The following ARAP1 variants were observed in gnomAD, a reference collection of about 807,000 sequenced individuals.
ARAP1 encodes the protein arf-GAP with Rho-GAP domain, ANK repeat and PH domain-containing protein 1.
Under a neutral mutation model 172.2 loss-of-function variants are expected in ARAP1, and 76 were observed. That is an observed-to-expected ratio of 0.44 (90% CI 0.37 to 0.53). The LOEUF is 0.53. Among genes scored for constraint, ARAP1 ranks in the 20% least tolerant of loss-of-function variants. The pLI is 0.00. For missense variants in ARAP1, 1,686 were observed against 1,977.5 expected (o/e 0.85, Z 2.80); for synonymous variants, 804 against 803.3 (o/e 1.00, Z -0.01).
chr11:72,731,077 T>C (rs1303911761), intron 2 of ARAP1, among the ~76,000 whole-genome samples: 4 of 152,280 alleles, frequency 2.6e-5, no homozygotes, highest in Admixed American at 2.6e-4. Flanking sequence ...ATGAACAAAG[T>C]ATCTCTGAAA....
intron 1 of ARAP1, among the ~76,000 whole-genome samples, chr11:72,747,368 G>A (rs1356828814): frequency 6.6e-6 from 1 of 152,158 alleles, no homozygotes; most frequent in Non-Finnish European, 1.5e-5. Flanking sequence ...CCCTGTCTCT[G>A]GGCTCTAGAA....
At chr11:72,708,003 A>C (rs549151592) in intron 11 of ARAP1, among the ~76,000 whole-genome samples, 69 of 152,204 alleles carry the variant, frequency 4.5e-4, no homozygotes, top group Middle Eastern at 3.4e-3. Flanking sequence ...CAACATACCG[A>C]GACACCTGTG....
rs1591231892 is a variant in ARAP1, at chr11:72,726,869, T to G, written c.260A>C (p.His87Pro). The G allele has an allele frequency of 1.3e-6, 2 of 1,543,702 alleles. No individual in the cohort carries two copies. The highest frequency in any genetic ancestry group is 1.7e-6 in the Non-Finnish European group (2 of 1,147,386). The change falls in exon 3 of 35, where the codon CAC (histidine) becomes CCC (proline). Residue 87 changes from histidine to proline, a missense_variant. By Grantham distance (77) the His-to-Pro change is moderately conservative. This residue lies in a region of ARAP1 where 190 missense variants were observed against 228.6 expected (regional missense o/e 0.83). Coordinates refer to ENST00000393609, the MANE Select transcript of ARAP1 (RefSeq NM_001040118.3). The surrounding 1 kb of genome is among the most constrained non-coding windows in gnomAD (Gnocchi z 6.5). ...PTPRPVPMKRHIFRSPPVPAT... is the reference protein window; with the variant it reads ...PTPRPVPMKRPIFRSPPVPAT... ...AGGCACAGGTGGTGAGCGGAAGATG[T>G]GGCGCTTCATGGGCACAGGCCGTGG...
At chr11:72,707,560 T>A (rs1292099707) in intron 11 of ARAP1, among the ~76,000 whole-genome samples, 186 bp from the exon 12 acceptor site, 1 of 151,956 alleles carries the variant, frequency 6.6e-6, no homozygotes, top group East Asian at 1.9e-4. Context: ...CACAAGAGCG[T>A]ATGGGGGCAG....
At position 72,710,916 on chromosome 11, in the gene ARAP1, T is replaced by C. The variant is rs1228337986; in HGVS notation, c.1213+105A>G. ...AGGCAGCATGCCTCCCCGGATGTGATGTGAGAGGGCAGATGCACCATGACT... is the reference window on the plus strand; with the variant it reads ...AGGCAGCATGCCTCCCCGGATGTGACGTGAGAGGGCAGATGCACCATGACT... On this transcript the variant is annotated intron_variant, in intron 9 of 34. Transcript: ENST00000393609. This position sits in a 1 kb window ranked among gnomAD's most constrained non-coding sequence, Gnocchi z 4.3. 17 of 1,568,428 alleles carry C rather than the reference T, an allele frequency of 1.1e-5. No homozygotes were observed. Among genetic ancestry groups the C allele is most frequent in the Non-Finnish European group, 1.5e-5 (17 of 1,152,722 alleles).
rs762394815 is a variant in ARAP1 at position 72,695,683 on chromosome 11, C to T, written c.3420+35G>A. ...GGTCACCGTCATCTGCAAGGATCACCCCTGCCCTCCACTGCCCACTGGCCA... is the reference window on the plus strand; with the variant it reads ...GGTCACCGTCATCTGCAAGGATCACTCCTGCCCTCCACTGCCCACTGGCCA... On this transcript the variant is annotated intron_variant, in intron 24 of 34. Coordinates refer to ENST00000393609, the MANE Select transcript of ARAP1 (RefSeq NM_001040118.3). This position sits in a 1 kb window ranked among gnomAD's most constrained non-coding sequence, Gnocchi z 4.4. 1 of 1,614,110 alleles carries T rather than the reference C, an allele frequency of 6.2e-7. No homozygotes were observed. The highest frequency in any genetic ancestry group is 8.5e-7 in the Non-Finnish European group (1 of 1,179,988).
intron 12 of ARAP1, 77 bp downstream of exon 12, chr11:72,707,098 C>T: frequency 7.1e-7 from 1 of 1,418,132 alleles, no homozygotes; most frequent in South Asian, 1.5e-5. Flanking sequence ...AGGCCCTCCT[C>T]CAGATAGGAT....
rs1270066093 is a variant in ARAP1, at chr11:72,707,367, C to G, written c.1531G>C (p.Ala511Pro). The change falls in exon 12 of 35, where the codon GCT (alanine) becomes CCT (proline). Residue 511 changes from alanine to proline, a missense_variant. By Grantham distance (27) the Ala-to-Pro change is conservative (BLOSUM62 -1). This residue lies in a region of ARAP1 where 688 missense variants were observed against 856.9 expected (regional missense o/e 0.80). Transcript: ENST00000393609. ...TTPYRIFSFSADSELEKEQWL... is the reference protein window; with the variant it reads ...TTPYRIFSFSPDSELEKEQWL... Reference sequence around the variant, plus strand: ...TGCTCCTTCTCTAGCTCTGAGTCAGCAGAGAAGCTGGGGACATAGGGGTGG... The same window carrying G: ...TGCTCCTTCTCTAGCTCTGAGTCAGGAGAGAAGCTGGGGACATAGGGGTGG... The G allele has an allele frequency of 6.8e-6, 11 of 1,611,242 alleles. No homozygotes were observed. Among genetic ancestry groups the G allele is most frequent in the Non-Finnish European group, 9.3e-6 (11 of 1,178,556 alleles).
intron 19 of ARAP1, 88 bp from the exon 20 acceptor site, chr11:72,697,737 G>A (rs996584988): frequency 5.1e-6 from 8 of 1,573,000 alleles, no homozygotes; most frequent in African/African-American, 1.3e-5. Flanking sequence ...ACACACCCTT[G>A]AGACCCGCCC....
chr11:72,698,420 C>T (rs530880604), intron 18 of ARAP1, among the ~76,000 whole-genome samples: 83 of 152,352 alleles, frequency 5.4e-4, no homozygotes, highest in Non-Finnish European at 1.0e-3. Context: ...GAACTACACC[C>T]GCAGGGGAGC....
intron 21 of ARAP1, 27 bp from the exon 22 acceptor site, chr11:72,697,222 G>T (rs764736427): frequency 1.1e-5 from 18 of 1,592,562 alleles, no homozygotes; most frequent in Non-Finnish European, 1.5e-5. Flanking sequence ...CCAAGCGTTC[G>T]GGGCCTGAGG....
chr11:72,703,146 G>C (rs1348591618), intron 14 of ARAP1, 67 bp from the exon 15 acceptor site: 4 of 1,417,836 alleles, frequency 2.8e-6, no homozygotes, highest in Non-Finnish European at 3.7e-6. Flanking sequence ...GGGGCTACGG[G>C]GGAGGAGAGG....
chr11:72,719,497 A>C (rs1857418297), intron 3 of ARAP1, among the ~76,000 whole-genome samples: 1 of 152,176 alleles, frequency 6.6e-6, no homozygotes, highest in South Asian at 2.1e-4. Context: ...TCCGAGCCTC[A>C]GTCTCCAGGC....
Position 72,687,679 on chromosome 11 carries a change from C to A in ARAP1, c.4121+9G>T, listed in dbSNP as rs995973249. The A allele has an allele frequency of 6.2e-7, 1 of 1,614,184 alleles. No homozygotes were observed. Among genetic ancestry groups the A allele is most frequent in the African/African-American group, 1.3e-5 (1 of 75,046 alleles). On this transcript the variant is annotated intron_variant, in intron 32 of 34. Transcript: ENST00000393609. ...CAGCCTGGGATCTCAGGATGAGGCG[C>A]TCACTCACCACTGCTGCTTCTCATG... is the stretch of plus-strand genomic sequence containing the variant.
chr11:72,698,671 T>A (rs1373267391), intron 18 of ARAP1, among the ~76,000 whole-genome samples: 1 of 152,140 alleles, frequency 6.6e-6, no homozygotes. Flanking sequence ...CTCTGCTTGC[T>A]CGCCTCCAGG....
In ARAP1 at chr11:72,693,531, A is replaced by T; in HGVS notation, c.3809-61T>A. ...CAACCCCTACCCGGGGCTGGGTCCC[A>T]GGATGAAGGAAGCTGCCCCATCCTG... On this transcript the variant is annotated intron_variant, in intron 28 of 34. Coordinates refer to ENST00000393609, the MANE Select transcript of ARAP1 (RefSeq NM_001040118.3). The surrounding 1 kb of genome is among the most constrained non-coding windows in gnomAD (Gnocchi z 4.6). 1 of 1,574,768 alleles carries T rather than the reference A, an allele frequency of 6.4e-7. No individual in the cohort carries two copies. Among genetic ancestry groups the T allele is most frequent in the East Asian group, 2.3e-5 (1 of 44,364 alleles).
intron 1 of ARAP1, among the ~76,000 whole-genome samples, 179 bp downstream of exon 1, chr11:72,752,147 GCC>G (rs1858550123): frequency 6.6e-6 from 1 of 152,174 alleles, no homozygotes; most frequent in African/African-American, 2.4e-5. Context: ...ACCGTCTCTG[GCC>G]CGCTGGCTTA....
At chr11:72,689,981 G>A (rs1241219624) in intron 30 of ARAP1, among the ~76,000 whole-genome samples, 1 of 152,188 alleles carries the variant, frequency 6.6e-6, no homozygotes, top group Non-Finnish European at 1.5e-5. Flanking sequence ...GACAGCTGAT[G>A]GCAGAAATGG....
intron 1 of ARAP1, among the ~76,000 whole-genome samples, chr11:72,739,046 T>A (rs77267834): frequency 0.027 from 4,157 of 152,232 alleles, 76 homozygotes; most frequent in Middle Eastern, 0.051. Context: ...TCCGCAGATA[T>A]GAGGAACTAG....
Sources: allele counts gnomAD v4.1 joint callset (sites outside exome capture counted in the v4.1 genomes callset), GRCh38; gene constraint gnomAD v4.1.1; regional missense constraint gnomAD v4.1.1; non-coding constraint Gnocchi (gnomAD v3.1); transcripts MANE v1.5; gene names NCBI Gene and HGNC (gene_info 2026-07-23, HGNC 2026-07-21).